DDX42: variants seen among roughly 807,000 people sequenced by gnomAD.
DDX42 encodes DEAD-box helicase 42, also known as ATP-dependent RNA helicase DDX42.
A neutral mutation model predicts 101.5 loss-of-function variants in DDX42; 22 were observed. That is an observed-to-expected ratio of 0.22 (90% CI 0.15 to 0.31). The LOEUF (loss-of-function observed/expected upper bound fraction) is 0.31. Among genes scored for constraint, DDX42 ranks in the 10% least tolerant of loss-of-function variants. The pLI is 1.00. For synonymous variants in DDX42, 402 were observed against 401.2 expected (o/e 1.00, Z -0.02); for missense variants, 849 against 1,199.9 (o/e 0.71, Z 4.32).
At chr17:63,803,759 C>T (rs537770071) in intron 6 of DDX42, among the ~76,000 whole-genome samples, 72 of 151,624 alleles carry the variant, frequency 4.7e-4, no homozygotes, top group Non-Finnish European at 8.7e-4. Flanking sequence ...AAGAGATTCT[C>T]CTGCCTCAGC....
Position 63,817,675 on chromosome 17 carries a change from A to G in DDX42, c.2113-19A>G. On this transcript the variant is annotated intron_variant, in intron 17 of 17. Coordinates refer to ENST00000389924, the MANE Select transcript of DDX42 (RefSeq NM_203499.3). The stretch of plus-strand genomic sequence containing the variant: ...GAACTTGCTATCTTACCTACTCCTG[A>G]TGTCTCTTTCTCTTTCAGTCACAGT... The G allele has an allele frequency of 3.1e-6, 5 of 1,607,904 alleles. No homozygotes were observed. In the South Asian group the frequency reaches 5.5e-5, roughly 18 times the overall value.
chr17:63,817,255 C>T (rs560358976), intron 17 of DDX42: 277 of 378,332 alleles, frequency 7.3e-4, no homozygotes, highest in South Asian at 2.4e-3. Flanking sequence ...AAGTGTTGCC[C>T]ACCTCCCAGG....
chr17:63,812,550 A>C (rs1453680469), intron 14 of DDX42, among the ~76,000 whole-genome samples: 1 of 152,184 alleles, frequency 6.6e-6, no homozygotes, highest in Non-Finnish European at 1.5e-5. Context: ...GGGCAACTTA[A>C]CTCAGGATGA....
intron 3 of DDX42, among the ~76,000 whole-genome samples, chr17:63,796,216 T>G (rs768421544): frequency 4.6e-5 from 7 of 152,248 alleles, no homozygotes; most frequent in Non-Finnish European, 1.0e-4. Context: ...TCTGATTTTC[T>G]GGGTTTAAAT....
At chr17:63,792,664 A>ATT (rs762239266) in intron 3 of DDX42, 102 bp downstream of exon 3, 1,416 of 1,035,906 alleles carry the variant, frequency 1.4e-3, no homozygotes, top group Non-Finnish European at 1.5e-3. Context: ...TAGTCTTATT[A>ATT]TTTTTTTTTT....
chr17:63,782,129 TTAG>T (rs922445628), intron 1 of DDX42, among the ~76,000 whole-genome samples: 1 of 151,988 alleles, frequency 6.6e-6, no homozygotes, highest in Non-Finnish European at 1.5e-5. Context: ...AATACAAAAA[TTAG>T]CTGGGCACGG....
rs2040020269 is a variant in DDX42, at chr17:63,819,254, GAAGGTTTCTTTA to G, written c.*858_*869del. On this transcript the variant is annotated 3_prime_UTR_variant, in exon 18 of 18. Transcript: ENST00000389924. ...CAAACTTTGACTTTTGTGACTTTGT[GAAGGTTTCTTTA>G]AGATGTGCATTCCTTTCTGCTTGCT... The G allele has an allele frequency of 6.6e-6, 1 of 152,638 alleles. No homozygotes were observed. 9.5% of individuals were successfully genotyped at this position (152,638 alleles called of 1,614,324 possible).
chr17:63,787,233 A>C lies in DDX42; in HGVS notation c.184A>C (p.Ile62Leu), dbSNP rs774581698. The change falls in exon 2 of 18, where the codon ATT (isoleucine) becomes CTT (leucine). Residue 62 changes from isoleucine (I) to leucine (L), a missense_variant. This residue lies in a region of DDX42 where 92 missense variants were observed against 106.7 expected (regional missense o/e 0.86). Coordinates refer to ENST00000389924, the MANE Select transcript of DDX42 (RefSeq NM_203499.3). ...APPQLPSFYK[I>L]GSKRANFDEE... Reference sequence around the variant, plus strand: ...ACCACAGCTTCCTTCTTTCTACAAAATTGGATCTAAGCGGGCCAACTTTGA... The same window carrying C: ...ACCACAGCTTCCTTCTTTCTACAAACTTGGATCTAAGCGGGCCAACTTTGA... 1.2e-6 allele frequency: 2 copies of C among 1,614,078 alleles called. No homozygotes were observed.
At chr17:63,817,538 GAACAAA>G in intron 17 of DDX42, 150 bp from the exon 18 acceptor site, 3 of 687,514 alleles carry the variant, frequency 4.4e-6, no homozygotes, top group Non-Finnish European at 7.2e-6. Flanking sequence ...TATAGCACAA[GAACAAA>G]AGGGACCATA....
intron 11 of DDX42, 45 bp downstream of exon 11, chr17:63,809,704 C>A (rs761378242): frequency 1.3e-6 from 2 of 1,505,108 alleles, no homozygotes; most frequent in African/African-American, 1.4e-5. Flanking sequence ...CCTCATGATA[C>A]TAGTTTTTTT....
At chr17:63,775,097 TAC>T (rs1224683613) in intron 1 of DDX42, 3 of 152,646 alleles carry the variant, frequency 2.0e-5, no homozygotes, top group African/African-American at 7.2e-5. Flanking sequence ...CTCTCTCGTA[TAC>T]ACACCCAGGA....
At position 63,815,560 on chromosome 17, in the gene DDX42, C is replaced by A. The variant is rs1048785732; in HGVS notation, c.1903-3C>A. The A allele has an allele frequency of 6.2e-7, 1 of 1,610,274 alleles. No homozygotes were observed. Among genetic ancestry groups the A allele is most frequent in the Non-Finnish European group, 8.5e-7 (1 of 1,176,946 alleles). On this transcript the variant is annotated splice_polypyrimidine_tract_variant and splice_region_variant and intron_variant, in intron 15 of 17. Transcript: ENST00000389924. ...ACTTAACCTTGAATTTTGTTCAATG[C>A]AGAATGCCTGGTTTCGGAAATCTCG...
chr17:63,776,182 A>G (rs1222060029), intron 1 of DDX42: 1 of 152,264 alleles, frequency 6.6e-6, no homozygotes, highest in East Asian at 1.9e-4. Context: ...AGTCCACTAT[A>G]TTTAAAGTCA....
In DDX42 at chr17:63,802,968, C is replaced by G. The variant is rs145874924; in HGVS notation, c.622-2103C>G. Among the ~76,000 whole-genome samples the G allele has an allele frequency of 5.3e-3, 807 of 151,602 alleles. 5 individuals are homozygous for G. The highest frequency in any genetic ancestry group is 0.018 in the African/African-American group (736 of 41,338). On this transcript the variant is annotated intron_variant, in intron 6 of 17. Coordinates refer to ENST00000389924, the MANE Select transcript of DDX42 (RefSeq NM_203499.3). ...AAATTAGAATTTGGAAAACTTACATCTACCACAGTAGGCTTGACAGCTTTT... is the reference window on the plus strand; with the variant it reads ...AAATTAGAATTTGGAAAACTTACATGTACCACAGTAGGCTTGACAGCTTTT...
rs544435666 is a variant in DDX42 at position 63,782,497 on chromosome 17, T to C, written c.-16-4537T>C. 3.9e-5 allele frequency among the ~76,000 whole-genome samples: 6 copies of C among 152,228 alleles called. No individual in the cohort carries two copies. In the South Asian group the frequency reaches 8.3e-4, roughly 21 times the overall value. ...GCCTAATTTTGCAAACCTGGCTCTTTTAGGTTTCCATCTCCATTAGTGGCT... is the reference window on the plus strand; with the variant it reads ...GCCTAATTTTGCAAACCTGGCTCTTCTAGGTTTCCATCTCCATTAGTGGCT... On this transcript the variant is annotated intron_variant, in intron 1 of 17. Coordinates refer to ENST00000389924, the MANE Select transcript of DDX42 (RefSeq NM_203499.3).
chr17:63,780,309 A>C (rs1347679757), intron 1 of DDX42, among the ~76,000 whole-genome samples: 1 of 152,118 alleles, frequency 6.6e-6, no homozygotes, highest in Non-Finnish European at 1.5e-5. Context: ...AAACAAAAAA[A>C]AAAAAAAGTA....
intron 2 of DDX42, among the ~76,000 whole-genome samples, chr17:63,791,833 G>A (rs910577213): frequency 2.0e-5 from 3 of 152,080 alleles, no homozygotes; most frequent in African/African-American, 7.2e-5. Context: ...ATCACGTAAG[G>A]TAAGGAGTTC....
Position 63,812,059 on chromosome 17 carries a change from C to G in DDX42, c.1526C>G (p.Ala509Gly). 6.2e-7 allele frequency: 1 copy of G among 1,614,174 alleles called. No homozygotes were observed. Among genetic ancestry groups the G allele is most frequent in the South Asian group, 1.1e-5 (1 of 91,080 alleles). The change falls in exon 14 of 18, where the codon GCC becomes GGC. Residue 509 changes from alanine (A) to glycine (G), a missense_variant. Ala to Gly is a moderately conservative substitution (Grantham distance 60). Transcript: ENST00000389924. Reference protein sequence around the residue: ...GSVLLFVTKKANAEELANNLK... With the variant: ...GSVLLFVTKKGNAEELANNLK... ...GTCCTCCTCTTTGTTACTAAAAAAGCCAATGCTGAAGAGCTAGCGAATAAC... is the reference window on the plus strand; with the variant it reads ...GTCCTCCTCTTTGTTACTAAAAAAGGCAATGCTGAAGAGCTAGCGAATAAC...
At chr17:63,800,713 A>C in intron 6 of DDX42, 96 bp downstream of exon 6, 1 of 1,441,340 alleles carries the variant, frequency 6.9e-7, no homozygotes, top group South Asian at 1.3e-5. Context: ...ATACTCTTAC[A>C]TCATGAGCGT....
Sources: allele counts gnomAD v4.1 joint callset (sites outside exome capture counted in the v4.1 genomes callset), GRCh38; gene constraint gnomAD v4.1.1; regional missense constraint gnomAD v4.1.1; transcripts MANE v1.5; gene names NCBI Gene and HGNC (gene_info 2026-07-23, HGNC 2026-07-21).